Variants in MTMR12 observed in about 807,000 individuals in gnomAD.
The protein encoded by MTMR12 is myotubularin related protein 12.
A neutral mutation model predicts 96.7 loss-of-function variants in MTMR12; 33 were observed. The ratio of observed to expected loss-of-function variants is 0.34; its 90% CI spans 0.26 to 0.46. The LOEUF is 0.46. Among genes scored for constraint, MTMR12 ranks in the 20% least tolerant of loss-of-function variants. The pLI, the probability that MTMR12 is intolerant of heterozygous loss-of-function variation, is 1.00. For synonymous variants in MTMR12, 298 were observed against 327.2 expected (o/e 0.91, Z 0.96); for missense variants, 721 against 896.1 (o/e 0.80, Z 2.49).
intron 3 of MTMR12, among the ~76,000 whole-genome samples, chr5:32,272,597 T>C (rs2112085667): frequency 6.6e-6 from 1 of 152,204 alleles, no homozygotes; most frequent in East Asian, 1.9e-4. Context: ...CAGGCTGGTT[T>C]TGAACTCCTG....
At chr5:32,294,125 C>T (rs1389510013) in intron 1 of MTMR12, among the ~76,000 whole-genome samples, 1 of 152,162 alleles carries the variant, frequency 6.6e-6, no homozygotes. Flanking sequence ...TCTGGGACCA[C>T]CCAACCCACT....
Position 32,233,716 on chromosome 5 carries a change from C to T in MTMR12, c.1674+57G>A. ...GACAGAATCCGTAAGTACCTTTTATCATTACATGCACGGGGTCTGGGCAGC... is the reference window on the plus strand; with the variant it reads ...GACAGAATCCGTAAGTACCTTTTATTATTACATGCACGGGGTCTGGGCAGC... On this transcript the variant is annotated intron_variant, in intron 15 of 15. Coordinates refer to ENST00000382142, the MANE Select transcript of MTMR12 (RefSeq NM_001040446.3). The surrounding 1 kb of genome is among the most constrained non-coding windows in gnomAD (Gnocchi z 5.0). 2 of 1,608,696 alleles carry T rather than the reference C, an allele frequency of 1.2e-6. No homozygotes were observed. The highest frequency in any genetic ancestry group is 1.7e-6 in the Non-Finnish European group (2 of 1,175,982).
chr5:32,281,076 C>T (rs910114463), intron 1 of MTMR12, among the ~76,000 whole-genome samples: 5 of 151,618 alleles, frequency 3.3e-5, no homozygotes, highest in African/African-American at 4.8e-5. Context: ...GGTAAAACCA[C>T]GTCTCTACTG....
chr5:32,231,037 C>T (rs780941651), intron 15 of MTMR12, among the ~76,000 whole-genome samples: 5 of 152,092 alleles, frequency 3.3e-5, no homozygotes, highest in Non-Finnish European at 5.9e-5. Flanking sequence ...TTCATATTTC[C>T]CCCCTTGGTC....
At chr5:32,263,818 TGA>T (rs1749477629) in intron 6 of MTMR12, among the ~76,000 whole-genome samples, 1 of 152,202 alleles carries the variant, frequency 6.6e-6, no homozygotes, top group African/African-American at 2.4e-5. Context: ...CATCTGACCA[TGA>T]GTTAATTTAT....
At chr5:32,247,082 G>GCTATAATC (rs1748720889) in intron 10 of MTMR12, among the ~76,000 whole-genome samples, 1 of 152,176 alleles carries the variant, frequency 6.6e-6, no homozygotes, top group South Asian at 2.1e-4. Context: ...CCAGGCAGCG[G>GCTATAATC]CTCATGCCTA....
At chr5:32,309,805 A>C (rs945178951) in intron 1 of MTMR12, 1 of 152,210 alleles carries the variant, frequency 6.6e-6, no homozygotes, top group African/African-American at 2.4e-5. Flanking sequence ...AAAGTATGAG[A>C]TATCATCTCA....
At position 32,248,746 on chromosome 5, in the gene MTMR12, G is replaced by C. The variant is rs763928187; in HGVS notation, c.896+26C>G. 3.8e-6 allele frequency: 6 copies of C among 1,573,236 alleles called. No individual in the cohort carries two copies. In the African/African-American group the frequency reaches 4.0e-5, roughly 11 times the overall value. On this transcript the variant is annotated intron_variant, in intron 9 of 15. Transcript: ENST00000382142. The stretch of plus-strand genomic sequence containing the variant: ...TTCTTGGAAAACAAGAACTGAACAA[G>C]AACAAAATGTAGAACTAGTACTGAC...
chr5:32,255,741 G>A lies in MTMR12; in HGVS notation c.741C>T (p.Thr247=). The change falls in exon 8 of 16, where the codon ACC becomes ACT. Residue 247 remains threonine, a synonymous_variant. Coordinates refer to ENST00000382142, the MANE Select transcript of MTMR12 (RefSeq NM_001040446.3). ...GCTGCACATTCTCTTCAGGAAGAGG[G>A]GTGGGGACAACAAAGTATGCTGGCA... is the stretch of plus-strand genomic sequence containing the variant. ...ERLPAYFVVP[T]PLPEENVQRF... 6.2e-7 allele frequency: 1 copy of A among 1,612,864 alleles called. No individual in the cohort carries two copies.
At chr5:32,262,396 T>C (rs1203006740) in intron 7 of MTMR12, among the ~76,000 whole-genome samples, 1 of 150,414 alleles carries the variant, frequency 6.6e-6, no homozygotes, top group Non-Finnish European at 1.5e-5. Flanking sequence ...AGCCCAGGAG[T>C]TCAAAACCAG....
intron 1 of MTMR12, among the ~76,000 whole-genome samples, chr5:32,285,354 T>C (rs1474859638): frequency 2.7e-5 from 3 of 113,104 alleles, no homozygotes; most frequent in African/African-American, 1.0e-4. Context: ...CGAGATTCCA[T>C]TTCAAAAAAA....
At chr5:32,296,944 A>T (rs905351928) in intron 1 of MTMR12, among the ~76,000 whole-genome samples, 1 of 152,036 alleles carries the variant, frequency 6.6e-6, no homozygotes, top group Non-Finnish European at 1.5e-5. Context: ...CTACTAAAAA[A>T]TACAAAAAAT....
At chr5:32,248,664 C>T in intron 9 of MTMR12, 108 bp downstream of exon 9, 1 of 788,194 alleles carries the variant, frequency 1.3e-6, no homozygotes, top group Non-Finnish European at 2.2e-6. Context: ...ATTCCCCTAG[C>T]ATTAAGCTAC....
intron 1 of MTMR12, 34 bp from the exon 2 acceptor site, chr5:32,276,776 T>C: frequency 6.4e-7 from 1 of 1,562,608 alleles, no homozygotes. Flanking sequence ...TTTTTCTTTG[T>C]TTAAGGGTTT....
At chr5:32,301,367 C>G (rs1751134276) in intron 1 of MTMR12, among the ~76,000 whole-genome samples, 2 of 152,172 alleles carry the variant, frequency 1.3e-5, no homozygotes, top group South Asian at 4.1e-4. Flanking sequence ...TACCCAATAC[C>G]ACAGACTGAC....
intron 7 of MTMR12, among the ~76,000 whole-genome samples, chr5:32,258,111 A>C (rs1423683899): frequency 6.6e-6 from 1 of 151,818 alleles, no homozygotes; most frequent in Non-Finnish European, 1.5e-5. Flanking sequence ...TGGGTGACAC[A>C]GTGAGACCCT....
chr5:32,258,580 G>A (rs1244108705), intron 7 of MTMR12, among the ~76,000 whole-genome samples: 1 of 152,192 alleles, frequency 6.6e-6, no homozygotes, highest in Non-Finnish European at 1.5e-5. Context: ...GATGAGGACT[G>A]CAGACGCTCT....
chr5:32,233,403 A>G lies in MTMR12; in HGVS notation c.1674+370T>C, dbSNP rs1480605994. On this transcript the variant is annotated intron_variant, in intron 15 of 15. Coordinates refer to ENST00000382142, the MANE Select transcript of MTMR12 (RefSeq NM_001040446.3). This position sits in a 1 kb window ranked among gnomAD's most constrained non-coding sequence, Gnocchi z 5.0. The stretch of plus-strand genomic sequence containing the variant: ...TCTTACTATTTATTATAATAAATGA[A>G]CTGGTATCGGCCAAGTAAAACCCAC... Among the ~76,000 whole-genome samples the G allele has an allele frequency of 6.6e-6, 1 of 151,862 alleles. No individual in the cohort carries two copies. The highest frequency in any genetic ancestry group is 1.5e-5 in the Non-Finnish European group (1 of 67,978).
rs549943411 is a variant in MTMR12, at chr5:32,264,086, G to A, written c.584-844C>T. On this transcript the variant is annotated intron_variant, in intron 6 of 15. Coordinates refer to ENST00000382142, the MANE Select transcript of MTMR12 (RefSeq NM_001040446.3). ...GTGAGGATCAGGGCCTGCTAGCCAA[G>A]GCTGAATCATGGTTATGGGTACATA... is the stretch of plus-strand genomic sequence containing the variant. 1.5e-4 allele frequency among the ~76,000 whole-genome samples: 23 copies of A among 152,280 alleles called. No individual in the cohort carries two copies. The South Asian group carries it at 3.7e-3, about 25-fold the overall frequency.
Sources: gnomAD v4.1 joint callset for allele counts (sites outside exome capture counted in the v4.1 genomes callset) on GRCh38, gnomAD v4.1.1 for gene constraint, Gnocchi (gnomAD v3.1) non-coding constraint, MANE v1.5 for transcripts, NCBI Gene and HGNC (gene_info 2026-07-23, HGNC 2026-07-21) for gene names.